The following ANKRD30B variants were observed in gnomAD, a reference collection of about 807,000 sequenced individuals.
ANKRD30B encodes ankyrin repeat domain 30B.
In ANKRD30B, 144 loss-of-function variants were observed where a neutral mutation model predicts 202.2. The ratio of observed to expected loss-of-function variants is 0.71; its 90% CI spans 0.62 to 0.82. ANKRD30B has a LOEUF of 0.82. Ranked by LOEUF, ANKRD30B falls within the 40% of genes least tolerant of loss-of-function variation. The pLI, the probability that ANKRD30B is intolerant of heterozygous loss-of-function variation, is 0.00. For synonymous variants in ANKRD30B, 508 were observed against 561.3 expected (o/e 0.91, Z 1.34); for missense variants, 1,487 against 1,669.1 (o/e 0.89, Z 1.90).
rs558648230 is a variant in ANKRD30B at position 14,789,054 on chromosome 18, C to T, written c.1734+1954C>T. On this transcript the variant is annotated intron_variant, in intron 15 of 43. Transcript: ENST00000690538. ...TATTTCTCCACATCCTCTCCAGCACCTGTTGTTTCCTGACTTTTTAATGAT... is the reference window on the plus strand; with the variant it reads ...TATTTCTCCACATCCTCTCCAGCACTTGTTGTTTCCTGACTTTTTAATGAT... Among the ~76,000 whole-genome samples, 227 of 151,770 alleles carry T rather than the reference C, an allele frequency of 1.5e-3. 1 individual carries two copies. Among genetic ancestry groups the T allele is most frequent in the South Asian group, 6.3e-3 (30 of 4,800 alleles).
At position 14,852,014 on chromosome 18, in the gene ANKRD30B, G is replaced by T. The variant is rs1248639155; in HGVS notation, c.4070G>T (p.Arg1357Met). 5 of 1,598,328 alleles carry T rather than the reference G, an allele frequency of 3.1e-6. No homozygotes were observed. Among genetic ancestry groups the T allele is most frequent in the Non-Finnish European group, 4.3e-6 (5 of 1,171,456 alleles). ...VLHQPLYEAQ[R>M]KSKSPKINLN... ...CATCAACCACTTTATGAAGCTCAAA[G>T]GAAATCCAAAAGCCCAAAAATTAAT... The change falls in exon 42 of 44, where the codon AGG becomes ATG. Residue 1357 changes from arginine to methionine, a missense_variant. Transcript: ENST00000690538.
downstream of ANKRD30B, among the ~76,000 whole-genome samples, chr18:14,859,167 C>T (rs543811696): frequency 0.02 from 2,375 of 117,722 alleles, 181 homozygotes; most frequent in African/African-American, 0.085. Flanking sequence ...CCTCACCTCC[C>T]AGATGGGGCG....
chr18:14,894,199 C>A, the ANKRD30B span, among the ~76,000 whole-genome samples: 4 of 152,042 alleles, frequency 2.6e-5, no homozygotes, highest in African/African-American at 9.7e-5. Context: ...ATTATTTAAA[C>A]CTGTATCACA....
chr18:14,899,677 C>G, the ANKRD30B span, among the ~76,000 whole-genome samples: 1 of 152,070 alleles, frequency 6.6e-6, no homozygotes, highest in Non-Finnish European at 1.5e-5. Flanking sequence ...TATTGCCAGA[C>G]CCATTCTTGG....
At chr18:14,885,777 G>A in the ANKRD30B span, among the ~76,000 whole-genome samples, 1 of 151,514 alleles carries the variant, frequency 6.6e-6, no homozygotes, top group Non-Finnish European at 1.5e-5. Flanking sequence ...CTTATACTAT[G>A]GTTTTTATAT....
chr18:14,851,818 A>G lies in ANKRD30B; in HGVS notation c.3874A>G (p.Thr1292Ala). 6.3e-7 allele frequency: 1 copy of G among 1,592,710 alleles called. No individual in the cohort carries two copies. Among genetic ancestry groups the G allele is most frequent in the Non-Finnish European group, 8.6e-7 (1 of 1,168,550 alleles). Residue 1292 changes from threonine to alanine, a missense_variant, in exon 42 of 44, where the codon ACA becomes GCA. Around this residue, in one of 6 missense-constraint regions of ANKRD30B, gnomAD observed 21 missense variants for 57.2 expected, o/e 0.37. Transcript: ENST00000690538. ...KEKQDKEILE[T>A]EIESHHPRLA... ...AAAACAAGACAAAGAAATACTGGAG[A>G]CAGAAATTGAATCACACCATCCTAG... is the stretch of plus-strand genomic sequence containing the variant.
intron 14 of ANKRD30B, among the ~76,000 whole-genome samples, chr18:14,785,692 C>T (rs573357146): frequency 2.6e-5 from 4 of 152,276 alleles, no homozygotes; most frequent in African/African-American, 9.6e-5. Flanking sequence ...AAAATGGTGA[C>T]TTACCAAAGT....
chr18:14,840,950 T>C (rs1396727716), intron 37 of ANKRD30B, among the ~76,000 whole-genome samples: 1 of 151,948 alleles, frequency 6.6e-6, no homozygotes, highest in Non-Finnish European at 1.5e-5. Flanking sequence ...AGACAGAGAG[T>C]ACAGGGAGTA....
intron 5 of ANKRD30B, among the ~76,000 whole-genome samples, chr18:14,759,619 A>T (rs1364002196): frequency 4.6e-5 from 7 of 152,224 alleles, no homozygotes; most frequent in Non-Finnish European, 1.5e-5. Flanking sequence ...ATTCAGGTTT[A>T]AGGAGGTAGA....
At position 14,764,160 on chromosome 18, in the gene ANKRD30B, T is replaced by C; in HGVS notation, c.1225+70T>C. 2.8e-6 allele frequency: 4 copies of C among 1,403,590 alleles called. No individual in the cohort carries two copies. The South Asian group carries it at 4.7e-5, about 17-fold the overall frequency. The allele number at this position is 1,403,590 out of a possible 1,614,324, so 86.9% of individuals were successfully genotyped here. ...GTTCCCTAGTGAAAAAAGTGTGATA[T>C]GGGAGTTGTTGGGAATGTCTTGAAT... On this transcript the variant is annotated intron_variant, in intron 7 of 43. Coordinates refer to ENST00000690538, the MANE Select transcript of ANKRD30B (RefSeq NM_001367607.2).
chr18:14,846,068 ATTT>A (rs56892007), intron 39 of ANKRD30B, among the ~76,000 whole-genome samples: 2,292 of 147,040 alleles, frequency 0.016, 61 homozygotes, highest in African/African-American at 0.053. Context: ...TTACTTTCTT[ATTT>A]TTTTTTTTTT....
chr18:14,870,558 A>G, the ANKRD30B span, among the ~76,000 whole-genome samples: 24 of 152,074 alleles, frequency 1.6e-4, no homozygotes, highest in Non-Finnish European at 2.6e-4. Context: ...GAAGCCACAG[A>G]CCTGACAGTG....
intron 39 of ANKRD30B, among the ~76,000 whole-genome samples, chr18:14,843,515 C>T (rs1971505461): frequency 1.3e-5 from 2 of 149,956 alleles, no homozygotes; most frequent in Non-Finnish European, 3.0e-5. Flanking sequence ...TCATTTGAAG[C>T]ATCCTAAGGA....
chr18:14,916,853 C>T, the ANKRD30B span, among the ~76,000 whole-genome samples: 32 of 151,996 alleles, frequency 2.1e-4, no homozygotes, highest in African/African-American at 7.3e-4. Flanking sequence ...GCAAAGTGAG[C>T]ACTGTCATTC....
intron 14 of ANKRD30B, among the ~76,000 whole-genome samples, chr18:14,786,662 G>A (rs1385828767): frequency 6.6e-6 from 1 of 152,060 alleles, no homozygotes; most frequent in Non-Finnish European, 1.5e-5. Context: ...ATCAAACTAA[G>A]TAACACTAGA....
At chr18:14,889,553 G>A in the ANKRD30B span, among the ~76,000 whole-genome samples, 1 of 151,678 alleles carries the variant, frequency 6.6e-6, no homozygotes, top group Non-Finnish European at 1.5e-5. Flanking sequence ...AATAATTACA[G>A]TTCAAAGCCC....
downstream of ANKRD30B, among the ~76,000 whole-genome samples, chr18:14,855,784 G>A (rs1972079203): frequency 6.7e-6 from 1 of 148,374 alleles, no homozygotes; most frequent in Non-Finnish European, 1.5e-5. Context: ...CAGACAATGG[G>A]CAGCCAGGCA....
At chr18:14,869,694 AAGCATGATTACAAATACTTC>A in the ANKRD30B span, among the ~76,000 whole-genome samples, 1 of 150,822 alleles carries the variant, frequency 6.6e-6, no homozygotes, top group Middle Eastern at 3.4e-3. Context: ...TTCCAGTATT[AAGCATGATTACAAATACTTC>A]AGTTTTCATG....
At chr18:14,783,030 C>T (rs1967856247) in intron 12 of ANKRD30B, among the ~76,000 whole-genome samples, 1 of 152,092 alleles carries the variant, frequency 6.6e-6, no homozygotes, top group Non-Finnish European at 1.5e-5. Context: ...ATAAAATGAT[C>T]TTCTGGTCCC....
Sources: gnomAD v4.1 joint callset for allele counts (sites outside exome capture counted in the v4.1 genomes callset) on GRCh38, gnomAD v4.1.1 for gene constraint, gnomAD v4.1.1 regional missense constraint, MANE v1.5 for transcripts, NCBI Gene and HGNC (gene_info 2026-07-23, HGNC 2026-07-21) for gene names.